The following PACS2 variants were observed in gnomAD, a reference collection of about 807,000 sequenced individuals.
PACS2 encodes PACS1-like protein.
A neutral mutation model predicts 113.0 loss-of-function variants in PACS2; 36 were observed. The observed-to-expected ratio is 0.32, with a 90% confidence interval of 0.24 to 0.42. The LOEUF is 0.42. PACS2 is among the 10% of genes least tolerant of loss of function. PACS2 has a pLI of 1.00. For missense variants in PACS2, 1,015 were observed against 1,239.5 expected (o/e 0.82, Z 2.72); for synonymous variants, 589 against 536.1 (o/e 1.10, Z -1.36).
chr14:105,367,072 CCTGCCCTGTGG>C lies in PACS2; in HGVS notation c.424-132_424-122del, dbSNP rs2060966877. On this transcript the variant is annotated intron_variant, in intron 4 of 24. Transcript: ENST00000447393. Reference sequence around the variant, plus strand: ...CACGTTTCCTGTCCACTGGATGCTCCCTGCCCTGTGGCTGCCCTGCTGAGGGTCCCCCTTGC... The same window carrying C: ...CACGTTTCCTGTCCACTGGATGCTCCCTGCCCTGCTGAGGGTCCCCCTTGC... 4 of 706,784 alleles carry C rather than the reference CCTGCCCTGTGG, an allele frequency of 5.7e-6. No individual in the cohort carries two copies. In the East Asian group the frequency reaches 1.1e-4, roughly 19 times the overall value. 43.8% of individuals were successfully genotyped at this position (706,784 alleles called of 1,614,324 possible). A position where few individuals can be genotyped will look rare whatever the true frequency, so the allele number is the denominator to read the frequency against.
Position 105,330,914 on chromosome 14 carries a change from G to GCCTA in PACS2, c.119+15878_119+15881dup, listed in dbSNP as rs1485079024. 6.6e-6 allele frequency among the ~76,000 whole-genome samples: 1 copy of GCCTA among 152,092 alleles called. No homozygotes were observed. The highest frequency in any genetic ancestry group is 1.5e-5 in the Non-Finnish European group (1 of 68,018). ...GATGTCAACCTTCTGGGTCCTTGGG[G>GCCTA]CCTAGCCTTGCTCTGGTGAACGGCT... On this transcript the variant is annotated intron_variant, in intron 1 of 24. Transcript: ENST00000447393. This position sits in a 1 kb window ranked among gnomAD's most constrained non-coding sequence, Gnocchi z 6.9.
intron 1 of PACS2, among the ~76,000 whole-genome samples, chr14:105,302,436 C>T (rs2058068691): frequency 6.6e-6 from 1 of 152,004 alleles, no homozygotes; most frequent in African/African-American, 2.4e-5. Context: ...CTCCCGACCT[C>T]AGGTGATCCG....
At chr14:105,311,731 C>T (rs1043458410), upstream of PACS2, among the ~76,000 whole-genome samples, 2 of 152,200 alleles carry the variant, frequency 1.3e-5, no homozygotes, top group Non-Finnish European at 2.9e-5. Flanking sequence ...GGTGCGGCTG[C>T]GGGTGCAGCG....
intron 3 of PACS2, 45 bp downstream of exon 3, chr14:105,352,512 T>A (rs1332331663): frequency 5.7e-6 from 7 of 1,223,322 alleles, no homozygotes; most frequent in African/African-American, 1.5e-5. Flanking sequence ...CACTGTCCCC[T>A]GGGGAGACGG....
At position 105,315,015 on chromosome 14, in the gene PACS2, T is replaced by C. The variant is rs750737597; in HGVS notation, c.97T>C (p.Ser33Pro). The C allele has an allele frequency of 4.0e-6, 5 of 1,238,194 alleles. No individual in the cohort carries two copies. In the South Asian group the frequency reaches 5.2e-5, roughly 13 times the overall value. The allele number at this position is 1,238,194 out of a possible 1,614,324, so 76.7% of individuals were successfully genotyped here. Reference protein sequence around the residue: ...NLFATWEVDGSSPSCVPRLCS... With the variant: ...NLFATWEVDGPSPSCVPRLCS... Reference sequence around the variant, plus strand: ...GTTCGCCACCTGGGAGGTGGACGGCTCCAGCCCCAGCTGCGTGCCCAGGTA... The same window carrying C: ...GTTCGCCACCTGGGAGGTGGACGGCCCCAGCCCCAGCTGCGTGCCCAGGTA... The change falls in exon 1 of 25, where the codon TCC (serine) becomes CCC (proline). Residue 33 changes from serine (S) to proline (P), a missense_variant. Physicochemically the swap from Ser to Pro is moderately conservative, Grantham distance 74 (BLOSUM62 -1). Around this residue, in one of 3 missense-constraint regions of PACS2, gnomAD observed 140 missense variants for 135.1 expected, o/e 1.04. Coordinates refer to ENST00000447393, the MANE Select transcript of PACS2 (RefSeq NM_001100913.3). The surrounding 1 kb of genome is among the most constrained non-coding windows in gnomAD (Gnocchi z 4.4).
intron 19 of PACS2, chr14:105,389,385 G>A (rs2081282303): frequency 1.3e-5 from 2 of 159,080 alleles, no homozygotes; most frequent in African/African-American, 4.8e-5. Flanking sequence ...GGGTGTTCTG[G>A]TAGAACATGG....
chr14:105,354,878 G>C lies in PACS2; in HGVS notation c.298-174G>C, dbSNP rs781788984. On this transcript the variant is annotated intron_variant, in intron 3 of 24. Coordinates refer to ENST00000447393, the MANE Select transcript of PACS2 (RefSeq NM_001100913.3). The surrounding 1 kb of genome is among the most constrained non-coding windows in gnomAD (Gnocchi z 4.2). ...TGTGTTGGGTAAAGGATGGGCTCTG[G>C]GGACCGGCATGCCACTGGGATGAAC... 6.6e-6 allele frequency among the ~76,000 whole-genome samples: 1 copy of C among 152,218 alleles called. No individual in the cohort carries two copies. Among genetic ancestry groups the C allele is most frequent in the African/African-American group, 2.4e-5 (1 of 41,470 alleles).
chr14:105,328,201 G>A (rs1269738782), intron 1 of PACS2, among the ~76,000 whole-genome samples: 1 of 152,252 alleles, frequency 6.6e-6, no homozygotes, highest in Non-Finnish European at 1.5e-5. Context: ...AGTTCTTAAA[G>A]GACACATGGC....
At position 105,309,069 on chromosome 14, in the gene PACS2, C is replaced by T. The variant is rs745785720; in HGVS notation, c.-83+8090C>T. ...AGCACTGAGGTTGAGTGTTGGTTGA[C>T]ACGTGTTGCGGTAATTGCTGTTCTG... is the stretch of plus-strand genomic sequence containing the variant. On this transcript the variant is annotated intron_variant, in intron 1 of 23. Transcript: ENST00000430725. This position sits in a 1 kb window ranked among gnomAD's most constrained non-coding sequence, Gnocchi z 4.0. Among the ~76,000 whole-genome samples the T allele has an allele frequency of 6.6e-6, 1 of 152,174 alleles. No individual in the cohort carries two copies. Among genetic ancestry groups the T allele is most frequent in the South Asian group, 2.1e-4 (1 of 4,830 alleles).
rs2060334608 is a variant in PACS2, at chr14:105,354,069, C to T, written c.298-983C>T. 6.6e-6 allele frequency among the ~76,000 whole-genome samples: 1 copy of T among 151,638 alleles called. No homozygotes were observed. The highest frequency in any genetic ancestry group is 6.6e-5 in the Admixed American group (1 of 15,224). ...TGCCATAGCACTCCAGCCTGGGGGACAGAGTGAGACTCCATCTCAAAAAAA... is the reference window on the plus strand; with the variant it reads ...TGCCATAGCACTCCAGCCTGGGGGATAGAGTGAGACTCCATCTCAAAAAAA... On this transcript the variant is annotated intron_variant, in intron 3 of 24. Coordinates refer to ENST00000447393, the MANE Select transcript of PACS2 (RefSeq NM_001100913.3). This position sits in a 1 kb window ranked among gnomAD's most constrained non-coding sequence, Gnocchi z 4.2.
intron 7 of PACS2, among the ~76,000 whole-genome samples, chr14:105,369,102 G>A (rs1298062542): frequency 6.6e-6 from 1 of 152,258 alleles, no homozygotes; most frequent in Non-Finnish European, 1.5e-5. Context: ...GGGGAGCTCT[G>A]TGCCTGGTGC....
In PACS2 at chr14:105,358,246, G is replaced by A. The variant is rs587630336; in HGVS notation, c.423+3069G>A. The stretch of plus-strand genomic sequence containing the variant: ...GCCTCATGGGTGCCAGGAGCTGGAC[G>A]CCGGCGTGGGGTGGCTTAGGTCTGC... On this transcript the variant is annotated intron_variant, in intron 4 of 24. Coordinates refer to ENST00000447393, the MANE Select transcript of PACS2 (RefSeq NM_001100913.3). This position sits in a 1 kb window ranked among gnomAD's most constrained non-coding sequence, Gnocchi z 4.9. Among the ~76,000 whole-genome samples the A allele has an allele frequency of 1.3e-5, 2 of 152,336 alleles. No homozygotes were observed. Among genetic ancestry groups the A allele is most frequent in the East Asian group, 1.9e-4 (1 of 5,180 alleles).
upstream of PACS2, among the ~76,000 whole-genome samples, chr14:105,311,547 G>A (rs950446027): frequency 3.3e-5 from 5 of 152,190 alleles, no homozygotes; most frequent in African/African-American, 4.8e-5. Context: ...GAGCCCCTGC[G>A]ACTGGCCTGT....
At position 105,383,421 on chromosome 14, in the gene PACS2, A is replaced by T; in HGVS notation, c.1688A>T (p.Tyr563Phe). 1 of 1,609,192 alleles carries T rather than the reference A, an allele frequency of 6.2e-7. No individual in the cohort carries two copies. Among genetic ancestry groups the T allele is most frequent in the Non-Finnish European group, 8.5e-7 (1 of 1,179,834 alleles). The stretch of plus-strand genomic sequence containing the variant: ...ATCGCCGTGGCGGGAGCGCAGCATT[A>T]CCTCAGTGCCATCCTGCGGCTCTTT... Reference protein sequence around the residue: ...VKIAVAGAQHYLSAILRLFVE... With the variant: ...VKIAVAGAQHFLSAILRLFVE... The change falls in exon 16 of 25, where the codon TAC becomes TTC. Residue 563 changes from tyrosine (Y) to phenylalanine (F), a missense_variant. Around this residue, in one of 3 missense-constraint regions of PACS2, gnomAD observed 859 missense variants for 1,056.8 expected, o/e 0.81. Transcript: ENST00000447393.
Position 105,348,792 on chromosome 14 carries a change from A to C in PACS2, c.207+212A>C. 1 of 539,336 alleles carries C rather than the reference A, an allele frequency of 1.9e-6. No individual in the cohort carries two copies. Among genetic ancestry groups the C allele is most frequent in the Non-Finnish European group, 3.3e-6 (1 of 299,146 alleles). The allele number at this position is 539,336 out of a possible 1,614,324, so 33.4% of individuals were successfully genotyped here. ...AGGGAGGCAGGCCCGGCCTTCTGGG[A>C]TGTGGAGGTCACATGCATGGGGCCT... On this transcript the variant is annotated intron_variant, in intron 2 of 24. Transcript: ENST00000447393. The surrounding 1 kb of genome is among the most constrained non-coding windows in gnomAD (Gnocchi z 6.4).
At position 105,352,426 on chromosome 14, in the gene PACS2, G is replaced by A. The variant is rs1384590066; in HGVS notation, c.256G>A (p.Gly86Arg). The change falls in exon 3 of 25, where the codon GGA becomes AGA. Residue 86 changes from glycine to arginine, a missense_variant. Around this residue, in one of 3 missense-constraint regions of PACS2, gnomAD observed 140 missense variants for 135.1 expected, o/e 1.04. Coordinates refer to ENST00000447393, the MANE Select transcript of PACS2 (RefSeq NM_001100913.3). ...CCATGAGATTGTGCTGCCCCCCAGTGGACAAGTGGAGACAGACCTGGCCCT... is the reference window on the plus strand; with the variant it reads ...CCATGAGATTGTGCTGCCCCCCAGTAGACAAGTGGAGACAGACCTGGCCCT... ...RSHEIVLPPS[G>R]QVETDLALTF... 1.9e-6 allele frequency: 3 copies of A among 1,612,758 alleles called. No homozygotes were observed. The highest frequency in any genetic ancestry group is 1.7e-5 in the Admixed American group (1 of 59,970).
upstream of PACS2, chr14:105,314,724 C>T (rs981165097): frequency 2.8e-4 from 40 of 141,680 alleles, no homozygotes. Flanking sequence ...GGCGGGGCGC[C>T]GGGCGGGGCG....
upstream of PACS2, among the ~76,000 whole-genome samples, chr14:105,314,091 T>C (rs935432884): frequency 4.9e-4 from 74 of 152,354 alleles, no homozygotes; most frequent in African/African-American, 1.7e-3. Context: ...CTCGGCAGCC[T>C]GGCGCCCCGA....
At chr14:105,343,584 G>A (rs145362010) in intron 1 of PACS2, among the ~76,000 whole-genome samples, 18 of 152,118 alleles carry the variant, frequency 1.2e-4, no homozygotes, top group African/African-American at 4.3e-4. Context: ...TTGGTATCTC[G>A]TTTGGTTTTA....
Sources: gnomAD v4.1 joint callset for allele counts (sites outside exome capture counted in the v4.1 genomes callset) on GRCh38, gnomAD v4.1.1 for gene constraint, gnomAD v4.1.1 regional missense constraint, Gnocchi (gnomAD v3.1) non-coding constraint, MANE v1.5 for transcripts, NCBI Gene and HGNC (gene_info 2026-07-23, HGNC 2026-07-21) for gene names.